Variants in OSBPL11 observed in about 807,000 individuals in gnomAD.
OSBPL11 encodes oxysterol-binding protein-related protein 11.
OSBPL11 carries 33 observed loss-of-function variants against 84.4 expected under a neutral mutation model. The observed-to-expected ratio is 0.39, with a 90% confidence interval of 0.30 to 0.52. The LOEUF (loss-of-function observed/expected upper bound fraction) is 0.52. Ranked by LOEUF, OSBPL11 falls within the 20% of genes least tolerant of loss-of-function variation. The probability of loss-of-function intolerance (pLI) is 0.72; values close to 1 mark genes in which losing one functional copy is unlikely to be tolerated. For missense variants in OSBPL11, 736 were observed against 901.1 expected (o/e 0.82, Z 2.35); for synonymous variants, 276 against 310.2 (o/e 0.89, Z 1.16).
chr3:125,570,634 T>C (rs1332944770), intron 5 of OSBPL11, among the ~76,000 whole-genome samples: 1 of 152,300 alleles, frequency 6.6e-6, no homozygotes, highest in East Asian at 1.9e-4. Flanking sequence ...CCCATGCTGT[T>C]CTCATGATAG....
At chr3:125,563,989 T>C (rs1936116279) in intron 6 of OSBPL11, 146 bp from the exon 7 acceptor site, 1 of 778,174 alleles carries the variant, frequency 1.3e-6, no homozygotes, top group Admixed American at 2.9e-5. Context: ...GCCACTTATA[T>C]CTCATTAGCA....
intron 2 of OSBPL11, among the ~76,000 whole-genome samples, chr3:125,581,469 G>T (rs1433226860): frequency 6.6e-6 from 1 of 151,432 alleles, no homozygotes; most frequent in Non-Finnish European, 1.5e-5. Context: ...GCCAAGGCGG[G>T]TGGACTGCCT....
At chr3:125,590,567 T>C (rs1308049219) in intron 1 of OSBPL11, among the ~76,000 whole-genome samples, 1 of 152,050 alleles carries the variant, frequency 6.6e-6, no homozygotes, top group African/African-American at 2.4e-5. Flanking sequence ...AAAAAAAATT[T>C]TTTTTTTCAA....
chr3:125,561,646 T>G (rs1936081174), intron 7 of OSBPL11, among the ~76,000 whole-genome samples: 1 of 152,236 alleles, frequency 6.6e-6, no homozygotes, highest in African/African-American at 2.4e-5. Flanking sequence ...CCCATGATCA[T>G]GACGCTATTG....
chr3:125,594,507 C>T (rs1463266146), intron 1 of OSBPL11, 130 bp downstream of exon 1: 1 of 1,076,348 alleles, frequency 9.3e-7, no homozygotes, highest in Non-Finnish European at 1.3e-6. Flanking sequence ...CAGATCCAAA[C>T]GAGATGTATC....
At chr3:125,572,244 C>T (rs1414711751) in intron 5 of OSBPL11, among the ~76,000 whole-genome samples, 1 of 152,192 alleles carries the variant, frequency 6.6e-6, no homozygotes, top group Non-Finnish European at 1.5e-5. Flanking sequence ...TGCCTGTACC[C>T]CCATTATATC....
At chr3:125,542,317 G>C (rs1935740767) in intron 10 of OSBPL11, among the ~76,000 whole-genome samples, 1 of 147,712 alleles carries the variant, frequency 6.8e-6, no homozygotes, top group Non-Finnish European at 1.5e-5. Flanking sequence ...TATGGAAAGC[G>C]ATGCTTTTTC....
intron 8 of OSBPL11, among the ~76,000 whole-genome samples, chr3:125,558,006 C>G (rs1936017514): frequency 6.6e-6 from 1 of 151,976 alleles, no homozygotes; most frequent in Non-Finnish European, 1.5e-5. Context: ...GTTGGCTAGG[C>G]TGGTCTCGAA....
intron 4 of OSBPL11, among the ~76,000 whole-genome samples, chr3:125,577,056 C>G (rs139311344): frequency 1.3e-5 from 2 of 152,282 alleles, no homozygotes; most frequent in East Asian, 3.9e-4. Flanking sequence ...TGCCAAGTAT[C>G]CTTTGATACA....
Position 125,594,691 on chromosome 3 carries a change from C to T in OSBPL11, c.110G>A (p.Gly37Glu). Residue 37 changes from glycine (G) to glutamate (E), a missense_variant, in exon 1 of 13, where the codon GGA becomes GAA. Gly to Glu is a moderately conservative substitution (Grantham distance 98). This residue lies in a region of OSBPL11 where 114 missense variants were observed against 104.9 expected (regional missense o/e 1.09). Transcript: ENST00000296220. ...GCGGCTGCTGCTGCTGCTACTGATT[C>T]CACCTCCACAGCTGCTGTTCTTGTT... ...TPNKNSSCGG[G>E]ISSSSSSRGG... 6.2e-7 allele frequency: 1 copy of T among 1,614,148 alleles called. No homozygotes were observed. The highest frequency in any genetic ancestry group is 8.5e-7 in the Non-Finnish European group (1 of 1,180,034).
At chr3:125,557,543 G>A (rs912801918) in intron 8 of OSBPL11, among the ~76,000 whole-genome samples, 10 of 151,518 alleles carry the variant, frequency 6.6e-5, no homozygotes, top group East Asian at 3.9e-4. Context: ...CACCATGCTC[G>A]GCTAATTTGT....
rs1559842203 is a variant in OSBPL11, at chr3:125,563,694, T to C, written c.1014+4A>G. 6.2e-7 allele frequency: 1 copy of C among 1,613,748 alleles called. No individual in the cohort carries two copies. Among genetic ancestry groups the C allele is most frequent in the Non-Finnish European group, 8.5e-7 (1 of 1,179,914 alleles). On this transcript the variant is annotated splice_donor_region_variant and intron_variant, in intron 7 of 12. Coordinates refer to ENST00000296220, the MANE Select transcript of OSBPL11 (RefSeq NM_022776.5). ...ATCAAAATCATATTTTTATATTACC[T>C]TACCCTCGCTAATAGTCCAGATTCT... is the stretch of plus-strand genomic sequence containing the variant.
At chr3:125,591,242 T>C (rs2107614896) in intron 1 of OSBPL11, among the ~76,000 whole-genome samples, 1 of 152,352 alleles carries the variant, frequency 6.6e-6, no homozygotes, top group Middle Eastern at 3.4e-3. Flanking sequence ...ATCTTGAGTC[T>C]ATTATATTAA....
At chr3:125,573,891 A>C (rs1431934900) in intron 5 of OSBPL11, among the ~76,000 whole-genome samples, 1 of 150,786 alleles carries the variant, frequency 6.6e-6, no homozygotes, top group East Asian at 1.9e-4. Context: ...AAAAAAAAAA[A>C]AAAAAGGAGT....
chr3:125,556,322 T>C (rs1935990987), intron 8 of OSBPL11, among the ~76,000 whole-genome samples: 1 of 152,226 alleles, frequency 6.6e-6, no homozygotes. Flanking sequence ...TGTATCTGTA[T>C]TTGGCTTGTG....
chr3:125,559,326 G>A (rs1379546751), intron 8 of OSBPL11, among the ~76,000 whole-genome samples: 2 of 152,060 alleles, frequency 1.3e-5, no homozygotes, highest in Admixed American at 6.6e-5. Context: ...CTTTAATTTT[G>A]TTCTGAAACT....
intron 5 of OSBPL11, among the ~76,000 whole-genome samples, chr3:125,569,751 AAC>A (rs1418492960): frequency 6.6e-6 from 1 of 152,234 alleles, no homozygotes; most frequent in African/African-American, 2.4e-5. Flanking sequence ...AATGAAAAGG[AAC>A]AGTTACACTC....
At position 125,530,418 on chromosome 3, in the gene OSBPL11, A is replaced by G; in HGVS notation, c.*97T>C. 1 of 1,124,698 alleles carries G rather than the reference A, an allele frequency of 8.9e-7. No homozygotes were observed. The highest frequency in any genetic ancestry group is 1.3e-6 in the Non-Finnish European group (1 of 743,092). The allele number at this position is 1,124,698 out of a possible 1,614,324, so 69.7% of individuals were successfully genotyped here. Reference sequence around the variant, plus strand: ...GGTTTAGCTAGTTTCAGTCTGCGCAATCAGGAAGCAGGTCACTCAGTGCAA... The same window carrying G: ...GGTTTAGCTAGTTTCAGTCTGCGCAGTCAGGAAGCAGGTCACTCAGTGCAA... On this transcript the variant is annotated 3_prime_UTR_variant, in exon 13 of 13. Transcript: ENST00000296220.
rs998947788 is a variant in OSBPL11 at position 125,539,036 on chromosome 3, G to A, written c.1842-403C>T. Among the ~76,000 whole-genome samples, 7 of 151,446 alleles carry A rather than the reference G, an allele frequency of 4.6e-5. No homozygotes were observed. The South Asian group carries it at 6.2e-4, about 13-fold the overall frequency. ...TTTTTACTAGTTAATTTTACTTATC[G>A]AAATATTTGGCATCCCTACATTTGA... On this transcript the variant is annotated intron_variant, in intron 10 of 12. Transcript: ENST00000296220.
Sources: gnomAD v4.1 joint callset for allele counts (sites outside exome capture counted in the v4.1 genomes callset) on GRCh38, gnomAD v4.1.1 for gene constraint, gnomAD v4.1.1 regional missense constraint, MANE v1.5 for transcripts, NCBI Gene and HGNC (gene_info 2026-07-23, HGNC 2026-07-21) for gene names.